Variants in ARHGEF12 observed in about 807,000 individuals in gnomAD.
The protein encoded by ARHGEF12 is KMT2A/ARHGEF12 fusion protein.
ARHGEF12 carries 66 observed loss-of-function variants against 211.2 expected under a neutral mutation model. The observed-to-expected ratio is 0.31, with a 90% CI of 0.26 to 0.38. The LOEUF is 0.38. Ranked by LOEUF, ARHGEF12 falls within the 10% of genes least tolerant of loss-of-function variation. ARHGEF12 has a pLI of 1.00. For missense variants in ARHGEF12, 1,429 were observed against 1,869.5 expected (o/e 0.76, Z 4.34); for synonymous variants, 592 against 638.4 (o/e 0.93, Z 1.09).
chr11:120,439,375 T>G (rs1276471801), intron 12 of ARHGEF12: 1 of 152,204 alleles, frequency 6.6e-6, no homozygotes, highest in Non-Finnish European at 1.5e-5. Context: ...AGAGTGATTA[T>G]GCCTCCGTGG....
At chr11:120,337,849 C>A in intron 1 of ARHGEF12, 1 of 985,390 alleles carries the variant, frequency 1.0e-6, no homozygotes, top group Non-Finnish European at 1.2e-6. Context: ...GAAGCAATGT[C>A]CAGGAGCTGA....
chr11:120,390,017 G>C (rs1017655881), intron 1 of ARHGEF12, among the ~76,000 whole-genome samples: 1 of 152,132 alleles, frequency 6.6e-6, no homozygotes, highest in African/African-American at 2.4e-5. Flanking sequence ...TCGATATCCA[G>C]GAGTGTCCTA....
chr11:120,445,123 T>C (rs909706554), intron 15 of ARHGEF12, among the ~76,000 whole-genome samples: 1 of 152,208 alleles, frequency 6.6e-6, no homozygotes, highest in Admixed American at 6.5e-5. Flanking sequence ...CCAATGATTC[T>C]AGGAAGCCAA....
intron 6 of ARHGEF12, among the ~76,000 whole-genome samples, chr11:120,423,439 G>T (rs556661027): frequency 1.3e-5 from 2 of 152,102 alleles, no homozygotes; most frequent in Admixed American, 1.3e-4. Context: ...ATGTGAAGTC[G>T]TGTGTACAGG....
At chr11:120,400,143 A>T (rs1392270530) in intron 1 of ARHGEF12, among the ~76,000 whole-genome samples, 2 of 152,144 alleles carry the variant, frequency 1.3e-5, no homozygotes, top group African/African-American at 2.4e-5. Context: ...TTAAACATTT[A>T]ATCATAATAT....
chr11:120,369,521 G>C (rs1399024108), intron 1 of ARHGEF12, among the ~76,000 whole-genome samples: 2 of 152,176 alleles, frequency 1.3e-5, no homozygotes, highest in Admixed American at 6.5e-5. Flanking sequence ...GTTTTAAAGA[G>C]TTAAAGTCAG....
chr11:120,404,621 A>C (rs933163995), intron 1 of ARHGEF12, among the ~76,000 whole-genome samples: 7 of 152,130 alleles, frequency 4.6e-5, no homozygotes, highest in Admixed American at 4.6e-4. Flanking sequence ...ACGGGTTTAC[A>C]ATCAGTAGTC....
intron 15 of ARHGEF12, 31 bp from the exon 16 acceptor site, chr11:120,445,388 CGTT>C (rs1565486990): frequency 6.2e-7 from 1 of 1,610,380 alleles, no homozygotes; most frequent in South Asian, 1.1e-5. Flanking sequence ...ATATCTTTAG[CGTT>C]GTTACACCTT....
At chr11:120,471,974 T>C (rs919990385) in intron 30 of ARHGEF12, among the ~76,000 whole-genome samples, 2 of 152,190 alleles carry the variant, frequency 1.3e-5, no homozygotes, top group African/African-American at 4.8e-5. Context: ...ACAGAAGAGT[T>C]GAAGTAACTT....
Position 120,440,238 on chromosome 11 carries a change from T to C in ARHGEF12, c.1092+17T>C, listed in dbSNP as rs769929863. On this transcript the variant is annotated intron_variant, in intron 13 of 40. Coordinates refer to ENST00000397843, the MANE Select transcript of ARHGEF12 (RefSeq NM_015313.3). ...CATGAACAGGTGATGACTTTTTTCT[T>C]TCTAAAAAATAGATTGTTACTTTCT... The C allele has an allele frequency of 6.3e-7, 1 of 1,582,044 alleles. No individual in the cohort carries two copies. Among genetic ancestry groups the C allele is most frequent in the South Asian group, 1.1e-5 (1 of 87,578 alleles).
rs1174097678 is a variant in ARHGEF12 at position 120,431,780 on chromosome 11, G to A, written c.793G>A (p.Val265Ile). The A allele has an allele frequency of 2.5e-6, 4 of 1,599,800 alleles. No individual in the cohort carries two copies. Among genetic ancestry groups the A allele is most frequent in the Non-Finnish European group, 1.7e-6 (2 of 1,175,854 alleles). ...CTTTCATCTGTTTTAGGATGGAGCT[G>A]TAGTTACACCCTCCAGACCTTTAGG... ...KATGSAQDGA[V>I]VTPSRPLGDT... The change falls in exon 11 of 41, where the codon GTA (valine) becomes ATA (isoleucine). Residue 265 changes from valine to isoleucine, a missense_variant. Physicochemically the swap from Val to Ile is conservative, Grantham distance 29. This residue lies in a region of ARHGEF12 where 254 missense variants were observed against 286.4 expected (regional missense o/e 0.89). Transcript: ENST00000397843.
intron 15 of ARHGEF12, among the ~76,000 whole-genome samples, chr11:120,443,837 A>G (rs1945957513): frequency 6.6e-6 from 1 of 152,260 alleles, no homozygotes; most frequent in African/African-American, 2.4e-5. Flanking sequence ...ATAGTATAAC[A>G]ACTATTTGCA....
intron 1 of ARHGEF12, among the ~76,000 whole-genome samples, chr11:120,353,518 C>T (rs1336297569): frequency 1.3e-5 from 2 of 152,142 alleles, no homozygotes; most frequent in Non-Finnish European, 2.9e-5. Flanking sequence ...CCATCCAGTC[C>T]CTTCCTGGAA....
chr11:120,367,353 C>CTTTTTTTTT (rs1025919456), intron 1 of ARHGEF12, among the ~76,000 whole-genome samples: 719 of 59,346 alleles, frequency 0.012, 174 homozygotes, highest in South Asian at 0.023. Flanking sequence ...ATACTTTTTC[C>CTTTTTTTTT]TTTTTTTTTT....
At chr11:120,439,865 C>A in intron 12 of ARHGEF12, 1 of 380,016 alleles carries the variant, frequency 2.6e-6, no homozygotes, top group South Asian at 4.4e-5. Context: ...GTATAGTGAG[C>A]AAAGGATATT....
intron 32 of ARHGEF12, among the ~76,000 whole-genome samples, chr11:120,474,906 T>C (rs919311951): frequency 6.6e-6 from 1 of 152,210 alleles, no homozygotes; most frequent in Non-Finnish European, 1.5e-5. Context: ...TTGTAAGCTT[T>C]CTTTAGACCA....
intron 17 of ARHGEF12, 81 bp downstream of exon 17, chr11:120,446,589 C>A: frequency 9.7e-7 from 1 of 1,032,532 alleles, no homozygotes; most frequent in South Asian, 1.6e-5. Context: ...TCATTAAATA[C>A]TTAGCTTAGC....
intron 21 of ARHGEF12, chr11:120,449,970 C>G (rs2135835600): frequency 6.6e-6 from 1 of 152,156 alleles, no homozygotes; most frequent in East Asian, 1.9e-4. Flanking sequence ...CACCCCAGGC[C>G]CAATAAAGAG....
chr11:120,399,339 A>G (rs1345271745), intron 1 of ARHGEF12, among the ~76,000 whole-genome samples: 2 of 147,296 alleles, frequency 1.4e-5, no homozygotes, highest in African/African-American at 2.5e-5. Context: ...AAAAAAAAAA[A>G]AAAAAAAAAA....
Sources: allele counts gnomAD v4.1 joint callset (sites outside exome capture counted in the v4.1 genomes callset), GRCh38; gene constraint gnomAD v4.1.1; regional missense constraint gnomAD v4.1.1; transcripts MANE v1.5; gene names NCBI Gene and HGNC (gene_info 2026-07-23, HGNC 2026-07-21).